ASAH2: variants seen among roughly 807,000 people sequenced by gnomAD.
ASAH2 encodes the protein neutral ceramidase.
In ASAH2, 58 loss-of-function variants were observed where a neutral mutation model predicts 82.9. The observed-to-expected ratio is 0.70, with a 90% CI of 0.57 to 0.87. ASAH2 has a LOEUF of 0.87. Among genes scored for constraint, ASAH2 ranks in the 40% least tolerant of loss-of-function variants. The probability of loss-of-function intolerance (pLI) is 0.00; values close to 1 mark genes in which losing one functional copy is unlikely to be tolerated. For missense variants in ASAH2, 779 were observed against 834.0 expected (o/e 0.93, Z 0.81); for synonymous variants, 276 against 289.7 (o/e 0.95, Z 0.48).
intron 9 of ASAH2, among the ~76,000 whole-genome samples, chr10:50,214,045 C>T (rs1845532676): frequency 6.6e-6 from 1 of 152,134 alleles, no homozygotes; most frequent in Non-Finnish European, 1.5e-5. Context: ...GCCTAACTTG[C>T]TGTCTTTAAA....
intron 3 of ASAH2, among the ~76,000 whole-genome samples, chr10:50,243,901 C>CT (rs2133232786): frequency 6.6e-6 from 1 of 152,304 alleles, no homozygotes; most frequent in Admixed American, 6.5e-5. Flanking sequence ...CTCGCCCTGG[C>CT]TTTTACCATA....
chr10:50,185,746 AG>A lies in ASAH2; in HGVS notation c.*1568del, dbSNP rs1398029209. The A allele has an allele frequency of 1.4e-5, 2 of 142,538 alleles. No individual in the cohort carries two copies. The highest frequency in any genetic ancestry group is 6.9e-5 in the Admixed American group (1 of 14,400). The allele number at this position is 142,538 out of a possible 1,614,324, so 8.8% of individuals were successfully genotyped here. ...CCTCTAGGATACCAATTCATCAAAA[AG>A]TGTTCCAGGTTCATTCTAATTCAAT... On this transcript the variant is annotated 3_prime_UTR_variant, in exon 21 of 21. Transcript: ENST00000682911.
rs1237320845 is a variant in ASAH2, at chr10:50,189,240, A to G, written c.2153+259T>C. ...AATACCTGTGTCCATGGGGAAAAAA[A>G]ACAGAACAGATGTCTGTAAGAATGG... On this transcript the variant is annotated intron_variant, in intron 20 of 20. Coordinates refer to ENST00000682911, the MANE Select transcript of ASAH2 (RefSeq NM_019893.4). Among the ~76,000 whole-genome samples the G allele has an allele frequency of 1.0e-4, 15 of 144,900 alleles. 1 individual carries two copies. The highest frequency in any genetic ancestry group is 4.0e-4 in the African/African-American group (15 of 37,104).
At chr10:50,234,658 C>T in intron 5 of ASAH2, 106 bp from the exon 6 acceptor site, 2 of 1,472,716 alleles carry the variant, frequency 1.4e-6, no homozygotes, top group South Asian at 2.3e-5. Flanking sequence ...TCCTTTGTCT[C>T]TAATGGGTCC....
At position 50,243,369 on chromosome 10, in the gene ASAH2, A is replaced by G; in HGVS notation, c.361-18T>C. 6.2e-7 allele frequency: 1 copy of G among 1,613,532 alleles called. No individual in the cohort carries two copies. Among genetic ancestry groups the G allele is most frequent in the Non-Finnish European group, 8.5e-7 (1 of 1,179,594 alleles). ...TAGCCCATCTAAAGAGGAAGAGACA[A>G]TCAGAGCTGCTCTGTCTCATTCCCC... On this transcript the variant is annotated intron_variant, in intron 3 of 20. Transcript: ENST00000682911.
intron 12 of ASAH2, among the ~76,000 whole-genome samples, chr10:50,206,484 A>G (rs990888224): frequency 4.7e-5 from 7 of 149,128 alleles, no homozygotes; most frequent in Admixed American, 2.0e-4. Flanking sequence ...AACTCACAAT[A>G]CCAGTTGTCT....
intron 16 of ASAH2, among the ~76,000 whole-genome samples, chr10:50,201,841 T>TA (rs1845157509): frequency 6.6e-6 from 1 of 152,168 alleles, no homozygotes; most frequent in Non-Finnish European, 1.5e-5. Context: ...AAGATATATC[T>TA]GTGGATCTAA....
intron 17 of ASAH2, among the ~76,000 whole-genome samples, chr10:50,197,242 A>G: frequency 6.6e-6 from 1 of 151,922 alleles, no homozygotes; most frequent in Non-Finnish European, 1.5e-5. Flanking sequence ...GGGGCCTAAC[A>G]TGCAAAAAGG....
chr10:50,205,015 C>CAT, intron 13 of ASAH2, 60 bp from the exon 14 acceptor site: 1 of 1,173,416 alleles, frequency 8.5e-7, no homozygotes, highest in Non-Finnish European at 1.2e-6. Flanking sequence ...GGTCAACAGA[C>CAT]ATATAGTGGT....
intron 6 of ASAH2, 62 bp from the exon 7 acceptor site, chr10:50,233,323 T>A: frequency 8.1e-7 from 1 of 1,238,732 alleles, no homozygotes; most frequent in East Asian, 2.3e-5. Context: ...TCATGTAAGA[T>A]GAACAGTAGC....
At chr10:50,194,485 T>C (rs1453524433) in intron 18 of ASAH2, among the ~76,000 whole-genome samples, 1 of 150,984 alleles carries the variant, frequency 6.6e-6, no homozygotes, top group Non-Finnish European at 1.5e-5. Context: ...AAAAAGAGAA[T>C]CTACAAAAAA....
At chr10:50,208,739 A>T (rs1332861332) in intron 12 of ASAH2, among the ~76,000 whole-genome samples, 2 of 152,126 alleles carry the variant, frequency 1.3e-5, no homozygotes, top group Non-Finnish European at 2.9e-5. Flanking sequence ...TACTCCCCCA[A>T]ATTAATCTGT....
chr10:50,202,533 T>C (rs1845178675), intron 16 of ASAH2, among the ~76,000 whole-genome samples: 1 of 152,088 alleles, frequency 6.6e-6, no homozygotes, highest in Non-Finnish European at 1.5e-5. Flanking sequence ...GCATTAAGAA[T>C]AGTGTTAGAA....
intron 18 of ASAH2, among the ~76,000 whole-genome samples, chr10:50,195,097 G>A (rs537440249): frequency 0.016 from 2,452 of 150,344 alleles, 1 homozygote; most frequent in African/African-American, 0.055. Context: ...TTAACAAAGT[G>A]AGGAGACAAC....
At chr10:50,205,750 C>T (rs1845275937) in intron 13 of ASAH2, among the ~76,000 whole-genome samples, 1 of 151,812 alleles carries the variant, frequency 6.6e-6, no homozygotes, top group South Asian at 2.1e-4. Context: ...TCCCACTGTC[C>T]TAATTGTTGT....
At position 50,202,697 on chromosome 10, in the gene ASAH2, T is replaced by C. The variant is rs1360667095; in HGVS notation, c.1761+132A>G. 9 of 730,954 alleles carry C rather than the reference T, an allele frequency of 1.2e-5. No homozygotes were observed. In the African/African-American group the frequency reaches 1.6e-4, roughly 13 times the overall value. The allele number at this position is 730,954 out of a possible 1,614,324, so 45.3% of individuals were successfully genotyped here. A position where few individuals can be genotyped will look rare whatever the true frequency, so the allele number is the denominator to read the frequency against. The stretch of plus-strand genomic sequence containing the variant: ...TACGGCCTCTGGCTTATCATCCTCT[T>C]ACCTGTTATACCTGAAACATAATCA... On this transcript the variant is annotated intron_variant, in intron 16 of 20. Coordinates refer to ENST00000682911, the MANE Select transcript of ASAH2 (RefSeq NM_019893.4).
rs1336736598 is a variant in ASAH2 at position 50,199,004 on chromosome 10, A to T, written c.1857+47T>A. Reference sequence around the variant, plus strand: ...CACATACAGACATACACACACACACACACACACACGCACGCGCGCATGCAC... The same window carrying T: ...CACATACAGACATACACACACACACTCACACACACGCACGCGCGCATGCAC... On this transcript the variant is annotated intron_variant, in intron 17 of 20. Transcript: ENST00000682911. 223 of 1,587,012 alleles carry T rather than the reference A, an allele frequency of 1.4e-4. 2 individuals are homozygous for T. The African/African-American group carries it at 1.8e-3, about 13-fold the overall frequency.
chr10:50,221,404 C>A (rs1311443880), intron 7 of ASAH2, among the ~76,000 whole-genome samples: 1 of 152,158 alleles, frequency 6.6e-6, no homozygotes, highest in Admixed American at 6.6e-5. Context: ...ATTTCCATTA[C>A]AATCAAAGAA....
intron 16 of ASAH2, among the ~76,000 whole-genome samples, chr10:50,201,923 T>A (rs1845160278): frequency 6.6e-6 from 1 of 152,148 alleles, no homozygotes; most frequent in Admixed American, 6.5e-5. Context: ...GTATGTGATA[T>A]GAAAATATCT....
Sources: allele counts gnomAD v4.1 joint callset (sites outside exome capture counted in the v4.1 genomes callset), GRCh38; gene constraint gnomAD v4.1.1; transcripts MANE v1.5; gene names NCBI Gene and HGNC (gene_info 2026-07-23, HGNC 2026-07-21).